ZCWPW2: variants seen among roughly 807,000 people sequenced by gnomAD.
The protein encoded by ZCWPW2 is zinc finger CW-type PWWP domain protein 2.
In ZCWPW2, 45 loss-of-function variants were observed where a neutral mutation model predicts 46.6. The ratio of observed to expected loss-of-function variants is 0.96; its 90% CI spans 0.76 to 1.24. The LOEUF is 1.24. ZCWPW2 is among the 50% of genes most tolerant of loss of function. The pLI, the probability that ZCWPW2 is intolerant of heterozygous loss-of-function variation, is 0.00. For missense variants in ZCWPW2, 429 were observed against 403.9 expected (o/e 1.06, Z -0.53); for synonymous variants, 152 against 137.1 (o/e 1.11, Z -0.76).
intron 3 of ZCWPW2, among the ~76,000 whole-genome samples, chr3:28,422,596 AC>A (rs1696839018): frequency 1.3e-5 from 2 of 152,192 alleles, no homozygotes; most frequent in Admixed American, 6.5e-5. Context: ...TATACATAGG[AC>A]AACTTATCTA....
intron 1 of ZCWPW2, among the ~76,000 whole-genome samples, chr3:28,375,104 T>C (rs1705459496): frequency 6.6e-6 from 1 of 151,960 alleles, no homozygotes; most frequent in South Asian, 2.1e-4. Context: ...CTCTTTTTAG[T>C]CTTTGATTTT....
chr3:28,360,984 A>G (rs571877734), intron 1 of ZCWPW2, among the ~76,000 whole-genome samples: 1 of 152,302 alleles, frequency 6.6e-6, no homozygotes, highest in South Asian at 2.1e-4. Flanking sequence ...GCCCAAACGT[A>G]ATTTTAGGCT....
chr3:28,499,580 T>C (rs1181338188), intron 6 of ZCWPW2, among the ~76,000 whole-genome samples: 3 of 152,128 alleles, frequency 2.0e-5, no homozygotes, highest in Non-Finnish European at 2.9e-5. Flanking sequence ...TTGCAAGAAA[T>C]TTCTCCCATT....
intron 1 of ZCWPW2, among the ~76,000 whole-genome samples, chr3:28,371,883 C>T (rs1336294774): frequency 6.6e-6 from 1 of 151,952 alleles, no homozygotes; most frequent in East Asian, 1.9e-4. Context: ...AAGGGAGAGT[C>T]TTTGCCAGTT....
intron 4 of ZCWPW2, among the ~76,000 whole-genome samples, chr3:28,463,124 C>G (rs1389160653): frequency 6.6e-6 from 1 of 152,146 alleles, no homozygotes; most frequent in Non-Finnish European, 1.5e-5. Context: ...CAAAAATAAT[C>G]TTATTTATAT....
chr3:28,359,619 A>T (rs1297767747), intron 1 of ZCWPW2, among the ~76,000 whole-genome samples: 1 of 152,120 alleles, frequency 6.6e-6, no homozygotes, highest in East Asian at 1.9e-4. Context: ...AAAGTTTGAA[A>T]GTTTGTAAAT....
chr3:28,503,038 A>G (rs1213756979), intron 6 of ZCWPW2, among the ~76,000 whole-genome samples: 1 of 152,118 alleles, frequency 6.6e-6, no homozygotes, highest in African/African-American at 2.4e-5. Context: ...CTCCGTACAT[A>G]ATGCCCATTT....
At chr3:28,455,308 C>T (rs1385947426) in intron 4 of ZCWPW2, among the ~76,000 whole-genome samples, 1 of 152,128 alleles carries the variant, frequency 6.6e-6, no homozygotes. Context: ...TGTTCATGTA[C>T]TTGGCCCACT....
At chr3:28,455,770 G>T (rs1228400654) in intron 4 of ZCWPW2, among the ~76,000 whole-genome samples, 1 of 152,030 alleles carries the variant, frequency 6.6e-6, no homozygotes, top group Non-Finnish European at 1.5e-5. Context: ...ATTTTTGTCA[G>T]TTTTGTTTAA....
At chr3:28,414,504 C>T (rs749107870) in intron 3 of ZCWPW2, among the ~76,000 whole-genome samples, 1 of 151,406 alleles carries the variant, frequency 6.6e-6, no homozygotes, top group African/African-American at 2.4e-5. Flanking sequence ...ATGTGCACAA[C>T]GTGCAGGTTT....
Position 28,413,063 on chromosome 3 carries a change from G to A in ZCWPW2, c.-6G>A, listed in dbSNP as rs765283277. 2 of 1,600,230 alleles carry A rather than the reference G, an allele frequency of 1.2e-6. No individual in the cohort carries two copies. Among genetic ancestry groups the A allele is most frequent in the East Asian group, 2.2e-5 (1 of 44,706 alleles). ...CTCTTTCTTATTTTCCAGATTAAAT[G>A]CCTTAATGGATAAAGAAAAATTGGA... On this transcript the variant is annotated 5_prime_UTR_variant, in exon 3 of 10. It removes an upstream start codon present in the reference 5' UTR. Transcript: ENST00000383768.
At chr3:28,473,667 T>A (rs958647308) in intron 4 of ZCWPW2, among the ~76,000 whole-genome samples, 1 of 152,168 alleles carries the variant, frequency 6.6e-6, no homozygotes, top group Non-Finnish European at 1.5e-5. Flanking sequence ...AAACAAAATG[T>A]GGAACACACC....
At chr3:28,417,678 G>A (rs1357007694) in intron 3 of ZCWPW2, among the ~76,000 whole-genome samples, 6 of 124,020 alleles carry the variant, frequency 4.8e-5, no homozygotes, top group Admixed American at 8.9e-5. Flanking sequence ...TGATCAAGTG[G>A]GCTTCATCCC....
At chr3:28,424,384 T>A (rs1469983785) in intron 3 of ZCWPW2, among the ~76,000 whole-genome samples, 1 of 152,114 alleles carries the variant, frequency 6.6e-6, no homozygotes, top group Non-Finnish European at 1.5e-5. Context: ...TGCCTCAGAA[T>A]GTGACCATAT....
At chr3:28,447,923 T>G in intron 4 of ZCWPW2, 1 of 790,970 alleles carries the variant, frequency 1.3e-6, no homozygotes, top group East Asian at 2.8e-5. Context: ...CTTATGAGAT[T>G]GTCCAAAACA....
chr3:28,402,404 T>C (rs1377814972), intron 2 of ZCWPW2, among the ~76,000 whole-genome samples: 1 of 151,952 alleles, frequency 6.6e-6, no homozygotes, highest in East Asian at 1.9e-4. Context: ...AATAGACCAA[T>C]AGCAAGCAGC....
At chr3:28,391,390 C>G (rs1442626993) in intron 2 of ZCWPW2, among the ~76,000 whole-genome samples, 3 of 151,872 alleles carry the variant, frequency 2.0e-5, no homozygotes, top group Non-Finnish European at 4.4e-5. Flanking sequence ...CACACACACA[C>G]ACACACACAA....
chr3:28,382,893 G>T (rs1360889288), intron 1 of ZCWPW2, among the ~76,000 whole-genome samples: 1 of 152,116 alleles, frequency 6.6e-6, no homozygotes, highest in Non-Finnish European at 1.5e-5. Context: ...CATTTTCAAC[G>T]ATGACGGGCT....
chr3:28,370,826 C>T (rs968646959), intron 1 of ZCWPW2, among the ~76,000 whole-genome samples: 4 of 152,018 alleles, frequency 2.6e-5, no homozygotes, highest in African/African-American at 7.3e-5. Context: ...TCCACCTCTC[C>T]GATTCAAGAA....
Sources: gnomAD v4.1 joint callset for allele counts (sites outside exome capture counted in the v4.1 genomes callset) on GRCh38, gnomAD v4.1.1 for gene constraint, MANE v1.5 for transcripts, NCBI Gene and HGNC (gene_info 2026-07-23, HGNC 2026-07-21) for gene names.